The following MFAP1 variants were observed in gnomAD, a reference collection of about 807,000 sequenced individuals.
MFAP1 encodes the protein microfibrillar-associated protein 1.
Under a neutral mutation model 62.2 loss-of-function variants are expected in MFAP1, and 18 were observed. The ratio of observed to expected loss-of-function variants is 0.29; its 90% CI spans 0.20 to 0.43. The LOEUF is 0.43. Ranked by LOEUF, MFAP1 falls within the 20% of genes least tolerant of loss-of-function variation. MFAP1 has a pLI of 1.00. For missense variants in MFAP1, 355 were observed against 559.7 expected, an observed-to-expected ratio of 0.63 and a Z score of 3.69; for synonymous variants, 175 against 180.4, an observed-to-expected ratio of 0.97 and a Z score of 0.24.
At chr15:43,811,719 G>A (rs2087402428) in intron 6 of MFAP1, among the ~76,000 whole-genome samples, 1 of 151,830 alleles carries the variant, frequency 6.6e-6, no homozygotes, top group Non-Finnish European at 1.5e-5. Flanking sequence ...TGTTGGCCAA[G>A]CTGGTCTTGA....
Position 43,811,464 on chromosome 15 carries a change from G to A in MFAP1, c.887+1523C>T, listed in dbSNP as rs140222351. On this transcript the variant is annotated intron_variant, in intron 6 of 8. Transcript: ENST00000267812. ...CAAAAAATTACAGGCTGAGTATGGA[G>A]TTATCTACTGTGTGTAGCTCATACT... Among the ~76,000 whole-genome samples the A allele has an allele frequency of 6.4e-3, 946 of 148,524 alleles. 19 individuals are homozygous for A. Among genetic ancestry groups the A allele is most frequent in the East Asian group, 0.04 (199 of 4,974 alleles).
chr15:43,813,499 A>C, intron 4 of MFAP1, 142 bp from the exon 5 acceptor site: 2 of 600,090 alleles, frequency 3.3e-6, no homozygotes, highest in Admixed American at 4.1e-5. Context: ...ACGCTGAGTC[A>C]TCCCAGGTCT....
At chr15:43,807,690 G>A (rs1033406024) in intron 7 of MFAP1, among the ~76,000 whole-genome samples, 1 of 152,012 alleles carries the variant, frequency 6.6e-6, no homozygotes, top group East Asian at 1.9e-4. Flanking sequence ...CAACCTTTAC[G>A]TCAACCCTTT....
intron 7 of MFAP1, among the ~76,000 whole-genome samples, chr15:43,807,614 C>G (rs1183336256): frequency 6.6e-6 from 1 of 151,702 alleles, no homozygotes; most frequent in Non-Finnish European, 1.5e-5. Context: ...TCCCAAAGTG[C>G]TGGGATTACA....
In MFAP1 at chr15:43,805,452, T is replaced by A. The variant is rs2087356689; in HGVS notation, c.1061A>T (p.Glu354Val). Residue 354 changes from glutamate (E) to valine (V), a missense_variant, in exon 8 of 9, where the codon GAA becomes GTA. By Grantham distance (121) the Glu-to-Val change is moderately radical. Transcript: ENST00000267812. ...RGAFFMDEDE[E>V]VYKRDFSAPT... ...AGCGCTGAAATCTCTCTTGTATACT[T>A]CTTCATCCTCATCCTGTATAAAAAA... 11 of 1,610,996 alleles carry A rather than the reference T, an allele frequency of 6.8e-6. No individual in the cohort carries two copies. Among genetic ancestry groups the A allele is most frequent in the Non-Finnish European group, 8.5e-6 (10 of 1,179,256 alleles).
At position 43,807,681 on chromosome 15, in the gene MFAP1, A is replaced by C. The variant is rs117686952; in HGVS notation, c.1047+2074T>G. Reference sequence around the variant, plus strand: ...TACATCTTAAATGCTTAAATGTTACAACCTTTACGTCAACCCTTTCAATCT... The same window carrying C: ...TACATCTTAAATGCTTAAATGTTACCACCTTTACGTCAACCCTTTCAATCT... On this transcript the variant is annotated intron_variant, in intron 7 of 8. Transcript: ENST00000267812. 3.9e-4 allele frequency among the ~76,000 whole-genome samples: 60 copies of C among 152,192 alleles called. No individual in the cohort carries two copies. The East Asian group carries it at 0.011, about 27-fold the overall frequency.
chr15:43,824,510 G>A lies in MFAP1; in HGVS notation c.60C>T (p.Val20=), dbSNP rs749541983. Residue 20 remains valine (V), a synonymous_variant, in exon 1 of 9, where the codon GTC becomes GTT. Coordinates refer to ENST00000267812, the MANE Select transcript of MFAP1 (RefSeq NM_005926.3). ...QPPIQSTAGA[V]PVRNEKGEIS... is the part of the protein sequence containing the mutation. ...CCGTACCTTTCTCATTGCGAACTGGGACGGCCCCAGCCGTAGACTGAATGG... is the reference window on the plus strand; with the variant it reads ...CCGTACCTTTCTCATTGCGAACTGGAACGGCCCCAGCCGTAGACTGAATGG... 16 of 1,614,062 alleles carry A rather than the reference G, an allele frequency of 9.9e-6. No homozygotes were observed. Among genetic ancestry groups the A allele is most frequent in the African/African-American group, 1.3e-5 (1 of 74,924 alleles).
intron 1 of MFAP1, among the ~76,000 whole-genome samples, chr15:43,818,520 AAC>A (rs1256387425): frequency 6.9e-6 from 1 of 144,454 alleles, no homozygotes; most frequent in Non-Finnish European, 1.5e-5. Flanking sequence ...AAAAAAAAGA[AAC>A]AAAAAAAAAA....
chr15:43,809,440 A>C (rs1370884357), intron 7 of MFAP1, among the ~76,000 whole-genome samples: 1 of 151,800 alleles, frequency 6.6e-6, no homozygotes, highest in Non-Finnish European at 1.5e-5. Flanking sequence ...GTTGCAGTGA[A>C]CTATAATCGC....
rs780875647 is a variant in MFAP1 at position 43,813,393 on chromosome 15, C to CT, written c.618-37dup. ...GAGATCCTGTTAATTGCCCAAAGTC[C>CT]TTAGAGTGGAGTGCTTTGTTCCCCT... On this transcript the variant is annotated intron_variant, in intron 4 of 8. Coordinates refer to ENST00000267812, the MANE Select transcript of MFAP1 (RefSeq NM_005926.3). 1.1e-5 allele frequency: 18 copies of CT among 1,579,980 alleles called. No individual in the cohort carries two copies. In the Middle Eastern group the frequency reaches 6.8e-4, roughly 60 times the overall value.
chr15:43,818,805 T>C (rs950600838), intron 1 of MFAP1, among the ~76,000 whole-genome samples: 2 of 152,106 alleles, frequency 1.3e-5, no homozygotes, highest in African/African-American at 4.8e-5. Flanking sequence ...GGAGAATCAC[T>C]GGAGCCCAGG....
At chr15:43,810,639 T>C (rs2087393255) in intron 6 of MFAP1, among the ~76,000 whole-genome samples, 1 of 152,184 alleles carries the variant, frequency 6.6e-6, no homozygotes, top group South Asian at 2.1e-4. Flanking sequence ...AGTGTTGGGA[T>C]TATAGGCGTG....
intron 1 of MFAP1, among the ~76,000 whole-genome samples, chr15:43,822,920 C>T (rs2087475381): frequency 6.6e-6 from 1 of 151,864 alleles, no homozygotes; most frequent in African/African-American, 2.4e-5. Context: ...CTCACTGCAA[C>T]CTCTGCCCCC....
chr15:43,817,692 T>G (rs1049541876), intron 1 of MFAP1, among the ~76,000 whole-genome samples: 1 of 152,122 alleles, frequency 6.6e-6, no homozygotes, highest in Non-Finnish European at 1.5e-5. Flanking sequence ...TACAATGAAG[T>G]AGAGGAAGGT....
In MFAP1 at chr15:43,805,011, G is replaced by A. The variant is rs999566665; in HGVS notation, c.*83C>T. On this transcript the variant is annotated 3_prime_UTR_variant, in exon 9 of 9. Transcript: ENST00000267812. ...TCCAATATCTGGATACAGGGGCCAA[G>A]GAAACAATGAAAAAACCAAATCAAG... 5.6e-6 allele frequency: 8 copies of A among 1,421,440 alleles called. No individual in the cohort carries two copies. The African/African-American group carries it at 7.2e-5, about 13-fold the overall frequency. The allele number at this position is 1,421,440 out of a possible 1,614,324, so 88.1% of individuals were successfully genotyped here. A position where few individuals can be genotyped will look rare whatever the true frequency, so the allele number is the denominator to read the frequency against.
chr15:43,813,302 G>A lies in MFAP1; in HGVS notation c.673C>T (p.Leu225=), dbSNP rs765733336. 1 of 1,612,306 alleles carries A rather than the reference G, an allele frequency of 6.2e-7. No individual in the cohort carries two copies. The highest frequency in any genetic ancestry group is 8.5e-7 in the Non-Finnish European group (1 of 1,179,614). Residue 225 remains leucine (L), a synonymous_variant, in exon 5 of 9, where the codon CTG becomes TTG. Transcript: ENST00000267812. ...REAEALKQKE[L]EQEAKRMAEE... The stretch of plus-strand genomic sequence containing the variant: ...GCCATGCGTTTTGCTTCCTGCTCCA[G>A]CTCCTTCTGTTTCAATGCTTCGGCT...
chr15:43,812,777 T>C (rs1392692022), intron 6 of MFAP1, among the ~76,000 whole-genome samples: 1 of 152,222 alleles, frequency 6.6e-6, no homozygotes, highest in African/African-American at 2.4e-5. Context: ...TGGCACTCTA[T>C]TATGGACACA....
Position 43,824,660 on chromosome 15 carries a change from C to G in MFAP1, c.-91G>C. On this transcript the variant is annotated 5_prime_UTR_variant, in exon 1 of 9. Coordinates refer to ENST00000267812, the MANE Select transcript of MFAP1 (RefSeq NM_005926.3). The stretch of plus-strand genomic sequence containing the variant: ...AACGAAGAGAAGAAATTCCTTCCAC[C>G]TGAGTCCGCGAACACAGCTGCGCGA... 1 of 1,355,100 alleles carries G rather than the reference C, an allele frequency of 7.4e-7. No individual in the cohort carries two copies. Among genetic ancestry groups the G allele is most frequent in the Non-Finnish European group, 1.1e-6 (1 of 952,158 alleles). 83.9% of individuals were successfully genotyped at this position (1,355,100 alleles called of 1,614,324 possible).
chr15:43,824,415 G>C, intron 1 of MFAP1, 76 bp downstream of exon 1: 4 of 1,502,464 alleles, frequency 2.7e-6, no homozygotes, highest in Non-Finnish European at 3.7e-6. Flanking sequence ...GGAGTGGTCT[G>C]TCCGGGAGAG....
Sources: gnomAD v4.1 joint callset for allele counts (sites outside exome capture counted in the v4.1 genomes callset) on GRCh38, gnomAD v4.1.1 for gene constraint, MANE v1.5 for transcripts, NCBI Gene and HGNC (gene_info 2026-07-23, HGNC 2026-07-21) for gene names.